Variants in RBFOX1 observed in about 807,000 individuals in gnomAD.
The protein encoded by RBFOX1 is RNA binding protein fox-1 homolog 1.
A neutral mutation model predicts 57.7 loss-of-function variants in RBFOX1; 8 were observed. The observed-to-expected ratio is 0.14, with a 90% CI of 0.08 to 0.25. The LOEUF is 0.25. RBFOX1 is among the 10% of genes least tolerant of loss of function. The probability of loss-of-function intolerance (pLI) is 1.00; values close to 1 mark genes in which losing one functional copy is unlikely to be tolerated. For synonymous variants in RBFOX1, 326 were observed against 222.4 expected (o/e 1.47, Z -4.15); for missense variants, 611 against 548.5 (o/e 1.11, Z -1.14).
At chr16:6,895,475 T>C (rs2066635988) in intron 3 of RBFOX1, among the ~76,000 whole-genome samples, 1 of 104,684 alleles carries the variant, frequency 9.6e-6, no homozygotes, top group Non-Finnish European at 2.0e-5. Context: ...TATATATATA[T>C]ATATATATAT....
At chr16:6,696,006 A>G (rs139083511) in intron 3 of RBFOX1, among the ~76,000 whole-genome samples, 268 of 152,298 alleles carry the variant, frequency 1.8e-3, no homozygotes, top group African/African-American at 5.9e-3. Context: ...TCTGATTTCT[A>G]CAGCGTATCC....
intron 4 of RBFOX1, among the ~76,000 whole-genome samples, chr16:7,392,361 G>A (rs2042816260): frequency 6.6e-6 from 1 of 152,088 alleles, no homozygotes; most frequent in African/African-American, 2.4e-5. Context: ...ACAATGGCCT[G>A]TTTCCTCCAC....
intron 1 of RBFOX1, among the ~76,000 whole-genome samples, chr16:5,422,497 GT>G: frequency 2.7e-5 from 3 of 111,316 alleles, no homozygotes; most frequent in Admixed American, 9.2e-5. Flanking sequence ...GCGGGAGGAG[GT>G]GAGTAAAGGA....
intron 4 of RBFOX1, among the ~76,000 whole-genome samples, chr16:7,093,110 C>A (rs2061137346): frequency 1.3e-5 from 2 of 152,200 alleles, no homozygotes; most frequent in African/African-American, 4.8e-5. Flanking sequence ...CTCAGGAATA[C>A]AAAGATGACT....
intron 3 of RBFOX1, among the ~76,000 whole-genome samples, chr16:6,994,951 G>C (rs975875926): frequency 4.0e-4 from 60 of 151,396 alleles, no homozygotes; most frequent in African/African-American, 1.3e-3. Context: ...TATTTTGTGT[G>C]TGTGTGTGTG....
intron 2 of RBFOX1, among the ~76,000 whole-genome samples, chr16:6,489,943 T>C (rs565957977): frequency 6.6e-6 from 1 of 152,332 alleles, no homozygotes; most frequent in East Asian, 1.9e-4. Flanking sequence ...ATTCTGCAAC[T>C]GGATCTCCTA....
intron 3 of RBFOX1, among the ~76,000 whole-genome samples, chr16:5,687,630 C>G (rs2050545342): frequency 6.6e-6 from 1 of 152,140 alleles, no homozygotes; most frequent in South Asian, 2.1e-4. Flanking sequence ...TGTAGCGTCA[C>G]CATGAAACCA....
chr16:6,616,459 G>T (rs557872020), intron 2 of RBFOX1, among the ~76,000 whole-genome samples: 1 of 151,912 alleles, frequency 6.6e-6, no homozygotes, highest in South Asian at 2.1e-4. Context: ...GGTGGATCAC[G>T]AGGTCAGGAG....
chr16:5,789,595 G>A (rs1431687425), intron 3 of RBFOX1, among the ~76,000 whole-genome samples: 1 of 152,118 alleles, frequency 6.6e-6, no homozygotes, highest in East Asian at 1.9e-4. Context: ...GCTACTGAGA[G>A]CTTATTATTG....
intron 4 of RBFOX1, among the ~76,000 whole-genome samples, chr16:7,490,523 A>G (rs2066653083): frequency 6.6e-6 from 1 of 152,228 alleles, no homozygotes; most frequent in African/African-American, 2.4e-5. Flanking sequence ...TGGATAATGT[A>G]CCTTTACTCC....
At chr16:6,252,368 G>C (rs986654265) in intron 1 of RBFOX1, among the ~76,000 whole-genome samples, 1 of 152,116 alleles carries the variant, frequency 6.6e-6, no homozygotes, top group Admixed American at 6.6e-5. Context: ...TTAGGATAAA[G>C]ATAATTATCA....
chr16:6,602,745 CT>C, intron 2 of RBFOX1, among the ~76,000 whole-genome samples: 1 of 137,330 alleles, frequency 7.3e-6, no homozygotes, highest in Non-Finnish European at 1.6e-5. Context: ...TTTCCACTTG[CT>C]GCTTTATCCC....
In RBFOX1 at chr16:6,886,408, C is replaced by G. The variant is rs373428759; in HGVS notation, c.-15-165649C>G. Among the ~76,000 whole-genome samples, 90 of 151,928 alleles carry G rather than the reference C, an allele frequency of 5.9e-4. No homozygotes were observed. In the South Asian group the frequency reaches 0.018, roughly 30 times the overall value. ...TGTCACCATTGAGAAGAAAGGTTAC[C>G]AAATAAATTTTGTCCCGCTATTGAT... On this transcript the variant is annotated intron_variant, in intron 3 of 15. Coordinates refer to ENST00000550418, the MANE Select transcript of RBFOX1 (RefSeq NM_018723.4).
intron 8 of RBFOX1, among the ~76,000 whole-genome samples, chr16:7,597,049 G>C (rs796994556): frequency 3.3e-5 from 5 of 152,072 alleles, no homozygotes; most frequent in South Asian, 2.1e-4. Context: ...TCTTGTTTCT[G>C]TGTTACCATG....
chr16:6,647,286 C>T (rs890183851), intron 2 of RBFOX1, among the ~76,000 whole-genome samples: 1 of 152,064 alleles, frequency 6.6e-6, no homozygotes, highest in African/African-American at 2.4e-5. Flanking sequence ...GTCTGTTGCC[C>T]AGGCTCTAGT....
intron 1 of RBFOX1, among the ~76,000 whole-genome samples, chr16:5,363,031 CTTTTTTTTTTT>C (rs35426149): frequency 7.3e-5 from 7 of 95,404 alleles, no homozygotes; most frequent in African/African-American, 2.4e-4. Context: ...GATTTTAATT[CTTTTTTTTTTT>C]TTTTTTTTTG....
chr16:6,887,513 A>G (rs112584838), intron 3 of RBFOX1, among the ~76,000 whole-genome samples: 3 of 152,092 alleles, frequency 2.0e-5, no homozygotes, highest in Admixed American at 6.6e-5. Context: ...AATCATGTAT[A>G]TTAGGTGATT....
chr16:6,630,509 G>A lies in RBFOX1; in HGVS notation c.-63-24094G>A, dbSNP rs111479116. Among the ~76,000 whole-genome samples the A allele has an allele frequency of 4.4e-3, 670 of 152,112 alleles. 4 individuals are homozygous for A. Among genetic ancestry groups the A allele is most frequent in the African/African-American group, 0.015 (642 of 41,492 alleles). Reference sequence around the variant, plus strand: ...TTTCCTTCTAACATGGTCTTATTTCGTACTTAAAACAGCCTGATGAGGTAA... The same window carrying A: ...TTTCCTTCTAACATGGTCTTATTTCATACTTAAAACAGCCTGATGAGGTAA... On this transcript the variant is annotated intron_variant, in intron 2 of 15. Transcript: ENST00000550418.
chr16:5,416,999 T>C (rs2067179587), intron 1 of RBFOX1, among the ~76,000 whole-genome samples: 1 of 151,866 alleles, frequency 6.6e-6, no homozygotes, highest in Admixed American at 6.6e-5. Context: ...CCGCTGAAAA[T>C]GAAAAAGTGT....
Sources: gnomAD v4.1 joint callset for allele counts (sites outside exome capture counted in the v4.1 genomes callset) on GRCh38, gnomAD v4.1.1 for gene constraint, MANE v1.5 for transcripts, NCBI Gene and HGNC (gene_info 2026-07-23, HGNC 2026-07-21) for gene names.